The following MCEMP1 variants were observed in gnomAD, a reference collection of about 807,000 sequenced individuals.
MCEMP1 encodes mast cell expressed membrane protein 1.
MCEMP1 carries 17 observed loss-of-function variants against 27.9 expected under a neutral mutation model. The ratio of observed to expected loss-of-function variants is 0.61; its 90% CI spans 0.42 to 0.91. The LOEUF is 0.91. MCEMP1 is among the 40% of genes least tolerant of loss of function. The probability of loss-of-function intolerance (pLI) is 0.00; values close to 1 mark genes in which losing one functional copy is unlikely to be tolerated. For synonymous variants in MCEMP1, 88 were observed against 76.9 expected (o/e 1.14, Z -0.76); for missense variants, 200 against 204.8 (o/e 0.98, Z 0.14).
Position 7,678,121 on chromosome 19 carries a change from C to A in MCEMP1, c.163C>A (p.Pro55Thr). The change falls in exon 3 of 7, where the codon CCG becomes ACG. Residue 55 changes from proline (P) to threonine (T), a missense_variant. Transcript: ENST00000333598. The surrounding 1 kb of genome is among the most constrained non-coding windows in gnomAD (Gnocchi z 4.8). ...TGCTCCAGTCCCAGCCCAGTGCAGG[C>A]CGCCCTCAGACTCCACCCAGGTCCC... ...PTSQVPAQCR[P>T]PSDSTQVPCW... The A allele has an allele frequency of 6.2e-7, 1 of 1,608,118 alleles. No homozygotes were observed. The highest frequency in any genetic ancestry group is 1.1e-5 in the South Asian group (1 of 90,058).
In MCEMP1 at chr19:7,678,391, C is replaced by A. The variant is rs770409681; in HGVS notation, c.325C>A (p.Leu109Ile). ...SKELLGFKRELWNVSNSVQAC... is the reference protein window; with the variant it reads ...SKELLGFKREIWNVSNSVQAC... ...GGAGCTGCTGGGCTTTAAAAGGGAG[C>A]TTTGGAATGGTGAGCGGAGGGTCTG... is the stretch of plus-strand genomic sequence containing the variant. Residue 109 changes from leucine to isoleucine, a missense_variant, in exon 4 of 7, where the codon CTT becomes ATT. Physicochemically the swap from Leu to Ile is conservative, Grantham distance 5. Transcript: ENST00000333598. This position sits in a 1 kb window ranked among gnomAD's most constrained non-coding sequence, Gnocchi z 4.8. 1 of 1,614,016 alleles carries A rather than the reference C, an allele frequency of 6.2e-7. No homozygotes were observed. Among genetic ancestry groups the A allele is most frequent in the Non-Finnish European group, 8.5e-7 (1 of 1,180,010 alleles).
In MCEMP1 at chr19:7,679,605, G is replaced by A. The variant is rs1042584568; in HGVS notation, c.*491G>A. 1.3e-5 allele frequency: 2 copies of A among 155,972 alleles called. No individual in the cohort carries two copies. The highest frequency in any genetic ancestry group is 4.8e-5 in the African/African-American group (2 of 41,536). 9.7% of individuals were successfully genotyped at this position (155,972 alleles called of 1,614,324 possible). ...GTGTAAACATACTAGAGTATACTGC[G>A]GCGTGTTTTCTGTCTACCCATGTCA... On this transcript the variant is annotated 3_prime_UTR_variant, in exon 7 of 7. Coordinates refer to ENST00000333598, the MANE Select transcript of MCEMP1 (RefSeq NM_174918.3). This position sits in a 1 kb window ranked among gnomAD's most constrained non-coding sequence, Gnocchi z 4.9.
chr19:7,678,648 A>G lies in MCEMP1; in HGVS notation c.448+44A>G. 2 of 1,555,060 alleles carry G rather than the reference A, an allele frequency of 1.3e-6. No homozygotes were observed. Among genetic ancestry groups the G allele is most frequent in the South Asian group, 2.2e-5 (2 of 88,922 alleles). Reference sequence around the variant, plus strand: ...CTTCTATGGGGGTTATTTGTCACCAATGCCCGGAGCTGAGCTGGGGGCAGG... The same window carrying G: ...CTTCTATGGGGGTTATTTGTCACCAGTGCCCGGAGCTGAGCTGGGGGCAGG... On this transcript the variant is annotated intron_variant, in intron 5 of 6. Transcript: ENST00000333598. The surrounding 1 kb of genome is among the most constrained non-coding windows in gnomAD (Gnocchi z 4.8).
chr19:7,678,184 C>T lies in MCEMP1; in HGVS notation c.226C>T (p.Leu76Phe), dbSNP rs775699625. Residue 76 changes from leucine (L) to phenylalanine (F), a missense_variant, in exon 3 of 7, where the codon CTC becomes TTC. By Grantham distance (22) the Leu-to-Phe change is conservative. Coordinates refer to ENST00000333598, the MANE Select transcript of MCEMP1 (RefSeq NM_174918.3). The surrounding 1 kb of genome is among the most constrained non-coding windows in gnomAD (Gnocchi z 4.8). ...CAGAGCCATCCTGAGCCTGTACATC[C>T]TCCTGGCCCTGGCCTTTGTCCTCTG... Reference protein sequence around the residue: ...LYRAILSLYILLALAFVLCII... With the variant: ...LYRAILSLYIFLALAFVLCII... 1.2e-6 allele frequency: 2 copies of T among 1,614,108 alleles called. No individual in the cohort carries two copies.
Position 7,678,739 on chromosome 19 carries a change from G to A in MCEMP1, c.448+135G>A, listed in dbSNP as rs2032582457. On this transcript the variant is annotated intron_variant, in intron 5 of 6. Transcript: ENST00000333598. This position sits in a 1 kb window ranked among gnomAD's most constrained non-coding sequence, Gnocchi z 4.8. ...AGCTCAAGTTGTGGAGGGGCGATGG[G>A]TGTTACCATCTGGGTTGCTCTGTGG... The A allele has an allele frequency of 3.6e-6, 4 of 1,096,524 alleles. No homozygotes were observed. The South Asian group carries it at 5.8e-5, about 16-fold the overall frequency. 67.9% of individuals were successfully genotyped at this position (1,096,524 alleles called of 1,614,324 possible). A position where few individuals can be genotyped will look rare whatever the true frequency, so the allele number is the denominator to read the frequency against.
chr19:7,678,835 G>T lies in MCEMP1; in HGVS notation c.449-89G>T. 1.5e-6 allele frequency: 2 copies of T among 1,347,018 alleles called. No homozygotes were observed. The highest frequency in any genetic ancestry group is 1.4e-5 in the South Asian group (1 of 73,538). 83.4% of individuals were successfully genotyped at this position (1,347,018 alleles called of 1,614,324 possible). A position where few individuals can be genotyped will look rare whatever the true frequency, so the allele number is the denominator to read the frequency against. On this transcript the variant is annotated intron_variant, in intron 5 of 6. Coordinates refer to ENST00000333598, the MANE Select transcript of MCEMP1 (RefSeq NM_174918.3). This position sits in a 1 kb window ranked among gnomAD's most constrained non-coding sequence, Gnocchi z 4.8. ...ACCCCAGGGTGGGTGTGGGGCAGGGGGGGTGCTTCCAAGGAAGGTGGGGGC... is the reference window on the plus strand; with the variant it reads ...ACCCCAGGGTGGGTGTGGGGCAGGGTGGGTGCTTCCAAGGAAGGTGGGGGC...
In MCEMP1 at chr19:7,678,654, G is replaced by C. The variant is rs747848411; in HGVS notation, c.448+50G>C. On this transcript the variant is annotated intron_variant, in intron 5 of 6. Coordinates refer to ENST00000333598, the MANE Select transcript of MCEMP1 (RefSeq NM_174918.3). This position sits in a 1 kb window ranked among gnomAD's most constrained non-coding sequence, Gnocchi z 4.8. ...TGGGGGTTATTTGTCACCAATGCCC[G>C]GAGCTGAGCTGGGGGCAGGGGATTC... 1 of 1,524,108 alleles carries C rather than the reference G, an allele frequency of 6.6e-7. No individual in the cohort carries two copies. Among genetic ancestry groups the C allele is most frequent in the Non-Finnish European group, 9.1e-7 (1 of 1,102,790 alleles). 94.4% of individuals were successfully genotyped at this position (1,524,108 alleles called of 1,614,324 possible).
Position 7,679,311 on chromosome 19 carries a change from C to G in MCEMP1, c.*197C>G. On this transcript the variant is annotated 3_prime_UTR_variant, in exon 7 of 7. Transcript: ENST00000333598. This position sits in a 1 kb window ranked among gnomAD's most constrained non-coding sequence, Gnocchi z 4.9. ...GTGTACACCTGCGTGCGTGTGTGTG[C>G]GTGTGTGCGCGTGTGTTCGTGTATG... The G allele has an allele frequency of 3.1e-6, 2 of 639,052 alleles. No individual in the cohort carries two copies. The highest frequency in any genetic ancestry group is 5.4e-6 in the Non-Finnish European group (2 of 372,948). The allele number at this position is 639,052 out of a possible 1,614,324, so 39.6% of individuals were successfully genotyped here.
chr19:7,677,221 G>C lies in MCEMP1; in HGVS notation c.55+46G>C. 1 of 1,497,036 alleles carries C rather than the reference G, an allele frequency of 6.7e-7. No homozygotes were observed. The highest frequency in any genetic ancestry group is 9.1e-7 in the Non-Finnish European group (1 of 1,097,532). The allele number at this position is 1,497,036 out of a possible 1,614,324, so 92.7% of individuals were successfully genotyped here. ...AGGGAGGGGTTAAGAAGGAGAGATTGGGGGGCCGGGGGCTTTTGCTCATGT... is the reference window on the plus strand; with the variant it reads ...AGGGAGGGGTTAAGAAGGAGAGATTCGGGGGCCGGGGGCTTTTGCTCATGT... On this transcript the variant is annotated intron_variant, in intron 1 of 6. Coordinates refer to ENST00000333598, the MANE Select transcript of MCEMP1 (RefSeq NM_174918.3). The surrounding 1 kb of genome is among the most constrained non-coding windows in gnomAD (Gnocchi z 4.6).
rs759260177 is a variant in MCEMP1, at chr19:7,678,186, C to T, written c.228C>T (p.Leu76=). ...GAGCCATCCTGAGCCTGTACATCCT[C>T]CTGGCCCTGGCCTTTGTCCTCTGCA... ...LYRAILSLYI[L]LALAFVLCII... Residue 76 remains leucine, a synonymous_variant, in exon 3 of 7, where the codon CTC becomes CTT. Coordinates refer to ENST00000333598, the MANE Select transcript of MCEMP1 (RefSeq NM_174918.3). This position sits in a 1 kb window ranked among gnomAD's most constrained non-coding sequence, Gnocchi z 4.8. 18 of 1,613,984 alleles carry T rather than the reference C, an allele frequency of 1.1e-5. No homozygotes were observed. The highest frequency in any genetic ancestry group is 1.5e-5 in the Non-Finnish European group (18 of 1,180,000).
Position 7,678,409 on chromosome 19 carries a change from A to AG in MCEMP1, c.334+12dup. 3.1e-6 allele frequency: 5 copies of AG among 1,613,976 alleles called. No homozygotes were observed. The Middle Eastern group carries it at 4.9e-4, about 160-fold the overall frequency. ...AAGGGAGCTTTGGAATGGTGAGCGG[A>AG]GGGTCTGAGGGAGACCCGTGGGGTC... On this transcript the variant is annotated intron_variant, in intron 4 of 6. Coordinates refer to ENST00000333598, the MANE Select transcript of MCEMP1 (RefSeq NM_174918.3). The surrounding 1 kb of genome is among the most constrained non-coding windows in gnomAD (Gnocchi z 4.8).
chr19:7,679,707 C>T lies in MCEMP1; in HGVS notation c.*593C>T, dbSNP rs1196073151. ...TCACTATCTGTGGCTGGGTGAACGG[C>T]TGTGTCATTATGAGTGTGCCGAGTT... On this transcript the variant is annotated 3_prime_UTR_variant, in exon 7 of 7. Coordinates refer to ENST00000333598, the MANE Select transcript of MCEMP1 (RefSeq NM_174918.3). The surrounding 1 kb of genome is among the most constrained non-coding windows in gnomAD (Gnocchi z 4.9). 6.6e-6 allele frequency: 1 copy of T among 152,618 alleles called. No homozygotes were observed. Among genetic ancestry groups the T allele is most frequent in the African/African-American group, 2.4e-5 (1 of 41,418 alleles). The allele number at this position is 152,618 out of a possible 1,614,324, so 9.5% of individuals were successfully genotyped here.
In MCEMP1 at chr19:7,678,870, G is replaced by T; in HGVS notation, c.449-54G>T. 2.0e-6 allele frequency: 3 copies of T among 1,488,250 alleles called. No homozygotes were observed. Among genetic ancestry groups the T allele is most frequent in the Middle Eastern group, 2.4e-4 (1 of 4,240 alleles). The allele number at this position is 1,488,250 out of a possible 1,614,324, so 92.2% of individuals were successfully genotyped here. On this transcript the variant is annotated intron_variant, in intron 5 of 6. Transcript: ENST00000333598. The surrounding 1 kb of genome is among the most constrained non-coding windows in gnomAD (Gnocchi z 4.8). Reference sequence around the variant, plus strand: ...CAAGGAAGGTGGGGGCTTTGTTTGAGGCTCCACCGCAGCTTGACTTATCTG... The same window carrying T: ...CAAGGAAGGTGGGGGCTTTGTTTGATGCTCCACCGCAGCTTGACTTATCTG...
Position 7,678,927 on chromosome 19 carries a change from TA to T in MCEMP1, c.458del (p.Asn153ThrfsTer24), listed in dbSNP as rs1267240125. Reference sequence around the variant, plus strand: ...CCCAACCCTCCCCGCCCCCTAGGCATAAAAAACATTGACACAAAGGTACAGA... The same window carrying T: ...CCCAACCCTCCCCGCCCCCTAGGCATAAAAACATTGACACAAAGGTACAGA... ...IDRLETTLAG[I>X]KNIDTKVQKI... is the part of the protein sequence containing the mutation. On this transcript the variant is annotated frameshift_variant, in exon 6 of 7. Transcript: ENST00000333598. LOFTEE classifies it high-confidence loss of function. This position sits in a 1 kb window ranked among gnomAD's most constrained non-coding sequence, Gnocchi z 4.8. 2 of 1,083,234 alleles carry T rather than the reference TA, an allele frequency of 1.8e-6. No homozygotes were observed. 67.1% of individuals were successfully genotyped at this position (1,083,234 alleles called of 1,614,324 possible). A position where few individuals can be genotyped will look rare whatever the true frequency, so the allele number is the denominator to read the frequency against.
chr19:7,677,272 T>A lies in MCEMP1; in HGVS notation c.55+97T>A. 8.8e-7 allele frequency: 1 copy of A among 1,135,442 alleles called. No individual in the cohort carries two copies. Among genetic ancestry groups the A allele is most frequent in the Non-Finnish European group, 1.3e-6 (1 of 782,534 alleles). The allele number at this position is 1,135,442 out of a possible 1,614,324, so 70.3% of individuals were successfully genotyped here. A position where few individuals can be genotyped will look rare whatever the true frequency, so the allele number is the denominator to read the frequency against. ...CTGTAATCCTAGCACTTTGGGAGGC[T>A]GAGGCGGGAGGATTGCGTGAGCCCT... On this transcript the variant is annotated intron_variant, in intron 1 of 6. Coordinates refer to ENST00000333598, the MANE Select transcript of MCEMP1 (RefSeq NM_174918.3). The surrounding 1 kb of genome is among the most constrained non-coding windows in gnomAD (Gnocchi z 4.6).
Position 7,678,462 on chromosome 19 carries a change from G to T in MCEMP1, c.335-29G>T. On this transcript the variant is annotated intron_variant, in intron 4 of 6. Transcript: ENST00000333598. This position sits in a 1 kb window ranked among gnomAD's most constrained non-coding sequence, Gnocchi z 4.8. ...GGTGGGGGTCTGGAGAGGGATGGAT[G>T]CACAGACACCCCTGTTTCATGCCCT... 6.2e-7 allele frequency: 1 copy of T among 1,613,230 alleles called. No homozygotes were observed. Among genetic ancestry groups the T allele is most frequent in the African/African-American group, 1.3e-5 (1 of 74,964 alleles).
In MCEMP1 at chr19:7,677,148, A is replaced by G; in HGVS notation, c.28A>G (p.Lys10Glu). MQAPAFRDK[K>E]QGVSAKNQGA... ...GCAAGCACCAGCCTTCAGGGACAAG[A>G]AACAGGGGGTCTCAGCCAAGAATCA... Residue 10 changes from lysine to glutamate, a missense_variant, in exon 1 of 7, where the codon AAA (lysine) becomes GAA (glutamate). Physicochemically the swap from Lys to Glu is moderately conservative, Grantham distance 56 (BLOSUM62 1). Coordinates refer to ENST00000333598, the MANE Select transcript of MCEMP1 (RefSeq NM_174918.3). The surrounding 1 kb of genome is among the most constrained non-coding windows in gnomAD (Gnocchi z 4.6). 6.3e-7 allele frequency: 1 copy of G among 1,597,100 alleles called. No homozygotes were observed.
rs2032582686 is a variant in MCEMP1 at position 7,678,775 on chromosome 19, G to T, written c.449-149G>T. On this transcript the variant is annotated intron_variant, in intron 5 of 6. Transcript: ENST00000333598. This position sits in a 1 kb window ranked among gnomAD's most constrained non-coding sequence, Gnocchi z 4.8. The stretch of plus-strand genomic sequence containing the variant: ...TGGGTTGCTCTGTGGGTATTGAAAG[G>T]CTCCTGGGAACCCCAAATCCATGGG... 9.2e-7 allele frequency: 1 copy of T among 1,085,052 alleles called. No individual in the cohort carries two copies. Among genetic ancestry groups the T allele is most frequent in the East Asian group, 2.6e-5 (1 of 38,656 alleles). 67.2% of individuals were successfully genotyped at this position (1,085,052 alleles called of 1,614,324 possible).
Position 7,677,478 on chromosome 19 carries a change from T to A in MCEMP1, c.56-159T>A, listed in dbSNP as rs1410681591. On this transcript the variant is annotated intron_variant, in intron 1 of 6. Coordinates refer to ENST00000333598, the MANE Select transcript of MCEMP1 (RefSeq NM_174918.3). The surrounding 1 kb of genome is among the most constrained non-coding windows in gnomAD (Gnocchi z 4.6). ...GTGTGTGGTGTGATCACTCAAACTC[T>A]CACACACCCGCTCCACTTAACCAAA... is the stretch of plus-strand genomic sequence containing the variant. Among the ~76,000 whole-genome samples, 1 of 152,038 alleles carries A rather than the reference T, an allele frequency of 6.6e-6. No individual in the cohort carries two copies. Among genetic ancestry groups the A allele is most frequent in the African/African-American group, 2.4e-5 (1 of 41,392 alleles).
Sources: allele counts gnomAD v4.1 joint callset (sites outside exome capture counted in the v4.1 genomes callset), GRCh38; gene constraint gnomAD v4.1.1; non-coding constraint Gnocchi (gnomAD v3.1); transcripts MANE v1.5; gene names NCBI Gene and HGNC (gene_info 2026-07-23, HGNC 2026-07-21).